Variants in TP63 observed in about 807,000 individuals in gnomAD.
The protein encoded by TP63 is tumor protein 63.
TP63 carries 17 observed loss-of-function variants against 82.8 expected under a neutral mutation model. The observed-to-expected ratio is 0.21, with a 90% CI of 0.14 to 0.31. TP63 has a LOEUF of 0.31. Among genes scored for constraint, TP63 ranks in the 10% least tolerant of loss-of-function variants. The pLI is 1.00. For synonymous variants in TP63, 330 were observed against 321.7 expected, an observed-to-expected ratio of 1.03 and a Z score of -0.28; for missense variants, 648 against 895.3, an observed-to-expected ratio of 0.72 and a Z score of 3.52.
In TP63 at chr3:189,804,810, C is replaced by T. The variant is rs538589932; in HGVS notation, c.325-3462C>T. Among the ~76,000 whole-genome samples the T allele has an allele frequency of 7.4e-4, 113 of 152,248 alleles. 1 individual carries two copies. The South Asian group carries it at 0.012, about 16-fold the overall frequency. On this transcript the variant is annotated intron_variant, in intron 3 of 13. Coordinates refer to ENST00000264731, the MANE Select transcript of TP63 (RefSeq NM_003722.5). ...GTTAGTAGTGTCAGTTTTACGCTTTCCAGGAAAAGACAACGGAGTATACTA... is the reference window on the plus strand; with the variant it reads ...GTTAGTAGTGTCAGTTTTACGCTTTTCAGGAAAAGACAACGGAGTATACTA...
At chr3:189,852,631 C>A (rs1446134043) in intron 4 of TP63, among the ~76,000 whole-genome samples, 1 of 152,162 alleles carries the variant, frequency 6.6e-6, no homozygotes, top group African/African-American at 2.4e-5. Context: ...CTGAATAGCT[C>A]CTGATGGGTT....
rs1220430940 is a variant in TP63 at position 189,858,274 on chromosome 3, G to GT, written c.580-5958_580-5957insT. 2.3e-4 allele frequency among the ~76,000 whole-genome samples: 14 copies of GT among 60,578 alleles called. 4 individuals carry two copies. Among genetic ancestry groups the GT allele is most frequent in the African/African-American group, 5.3e-4 (6 of 11,362 alleles). 39.7% of individuals were successfully genotyped at this position (60,578 alleles called of 152,430 possible). A position where few individuals can be genotyped will look rare whatever the true frequency, so the allele number is the denominator to read the frequency against. ...CAAAAAATTAGCCGGGCGAGGTGGC[G>GT]GGCGCCTGTAGTCCCAGCTACTCGG... On this transcript the variant is annotated intron_variant, in intron 4 of 13. Transcript: ENST00000264731.
chr3:189,832,373 C>G (rs1712495337), intron 4 of TP63, among the ~76,000 whole-genome samples: 1 of 152,058 alleles, frequency 6.6e-6, no homozygotes, highest in Non-Finnish European at 1.5e-5. Context: ...GCCAACTTTC[C>G]TTAGTATATA....
At chr3:189,711,496 C>A (rs1040090511) in intron 1 of TP63, among the ~76,000 whole-genome samples, 1 of 151,736 alleles carries the variant, frequency 6.6e-6, no homozygotes, top group African/African-American at 2.4e-5. Context: ...GCCACAGGAA[C>A]GTGGGGAAAA....
intron 4 of TP63, chr3:189,844,472 G>A (rs150250428): frequency 1.8e-5 from 5 of 271,632 alleles, no homozygotes; most frequent in African/African-American, 4.6e-5. Context: ...TTTTAGTAGA[G>A]ATGGGGTTTC....
intron 1 of TP63, among the ~76,000 whole-genome samples, chr3:189,730,933 G>T (rs1720120189): frequency 6.6e-6 from 1 of 152,224 alleles, no homozygotes; most frequent in Non-Finnish European, 1.5e-5. Flanking sequence ...ATAGCTTTAA[G>T]TTTGCATGCT....
intron 1 of TP63, among the ~76,000 whole-genome samples, chr3:189,688,086 A>G (rs1716591851): frequency 6.6e-6 from 1 of 152,108 alleles, no homozygotes; most frequent in Non-Finnish European, 1.5e-5. Flanking sequence ...TTATATTAAA[A>G]AGCCCAGAAA....
rs757768397 is a variant in TP63, at chr3:189,867,989, C to A, written c.992+47C>A. 23 of 1,503,030 alleles carry A rather than the reference C, an allele frequency of 1.5e-5. No individual in the cohort carries two copies. The South Asian group carries it at 2.3e-4, about 15-fold the overall frequency. The allele number at this position is 1,503,030 out of a possible 1,614,324, so 93.1% of individuals were successfully genotyped here. Reference sequence around the variant, plus strand: ...GTCATTCTACACAAAAAATCACGAGCAGAGGGCAAAGTGAAATCGTGGCTG... The same window carrying A: ...GTCATTCTACACAAAAAATCACGAGAAGAGGGCAAAGTGAAATCGTGGCTG... On this transcript the variant is annotated intron_variant, in intron 7 of 13. Transcript: ENST00000264731.
chr3:189,880,235 GTGTGTGTGTGTA>G (rs2108840526), intron 10 of TP63: 1 of 1,576,128 alleles, frequency 6.3e-7, no homozygotes, highest in Non-Finnish European at 8.6e-7. Context: ...ATATGTGAGT[GTGTGTGTGTGTA>G]TGTGTGTGCG....
intron 1 of TP63, among the ~76,000 whole-genome samples, chr3:189,694,304 G>A (rs750193676): frequency 3.3e-5 from 5 of 152,036 alleles, no homozygotes; most frequent in Non-Finnish European, 7.4e-5. Flanking sequence ...TTGCCACAAC[G>A]AATGAACTAA....
intron 1 of TP63, among the ~76,000 whole-genome samples, chr3:189,656,420 G>A (rs958674864): frequency 2.6e-5 from 4 of 152,082 alleles, no homozygotes; most frequent in African/African-American, 9.7e-5. Flanking sequence ...AACCAAAGAA[G>A]GCATAAGGGT....
At chr3:189,801,138 G>A (rs1268905950) in intron 3 of TP63, among the ~76,000 whole-genome samples, 1 of 152,102 alleles carries the variant, frequency 6.6e-6, no homozygotes, top group Non-Finnish European at 1.5e-5. Flanking sequence ...ATGCATTACT[G>A]CTGGGCTTCT....
intron 1 of TP63, among the ~76,000 whole-genome samples, chr3:189,728,304 G>A (rs1291447581): frequency 2.2e-4 from 33 of 152,136 alleles, no homozygotes; most frequent in Admixed American, 2.2e-3. Flanking sequence ...ATTAGTTGAG[G>A]CAACAGACCT....
At chr3:189,746,880 T>C (rs1232917848) in intron 3 of TP63, among the ~76,000 whole-genome samples, 2 of 148,964 alleles carry the variant, frequency 1.3e-5, no homozygotes, top group Non-Finnish European at 3.0e-5. Context: ...GATTGAAAGA[T>C]GGAAGAAAAA....
chr3:189,776,887 CA>C (rs756074724), intron 3 of TP63, among the ~76,000 whole-genome samples: 4 of 152,172 alleles, frequency 2.6e-5, no homozygotes, highest in Non-Finnish European at 4.4e-5. Flanking sequence ...TAGCAGAAGA[CA>C]GTTCCCAAAA....
At chr3:189,642,111 C>G (rs1471947559) in intron 1 of TP63, among the ~76,000 whole-genome samples, 3 of 152,068 alleles carry the variant, frequency 2.0e-5, no homozygotes, top group Non-Finnish European at 4.4e-5. Flanking sequence ...AACAGTATGC[C>G]AATGTATTTT....
intron 4 of TP63, among the ~76,000 whole-genome samples, chr3:189,849,004 A>G (rs1396285009): frequency 6.6e-6 from 1 of 152,216 alleles, no homozygotes; most frequent in Non-Finnish European, 1.5e-5. Context: ...CTGAAGGTTA[A>G]GTTGATCACC....
In TP63 at chr3:189,808,436, C is replaced by G. The variant is rs943709826; in HGVS notation, c.489C>G (p.Pro163=). Residue 163 remains proline (P), a synonymous_variant, in exon 4 of 14, where the codon CCC becomes CCG. Transcript: ENST00000264731. Reference sequence around the variant, plus strand: ...CCTTCGATGCTCTCTCTCCATCACCCGCCATCCCCTCCAACACCGACTACC... The same window carrying G: ...CCTTCGATGCTCTCTCTCCATCACCGGCCATCCCCTCCAACACCGACTACC... ...SSTFDALSPS[P]AIPSNTDYPG... 1 of 1,614,186 alleles carries G rather than the reference C, an allele frequency of 6.2e-7. No homozygotes were observed. Among genetic ancestry groups the G allele is most frequent in the Non-Finnish European group, 8.5e-7 (1 of 1,180,030 alleles).
chr3:189,892,628 T>C (rs140346057), intron 13 of TP63, among the ~76,000 whole-genome samples: 8,058 of 151,896 alleles, frequency 0.053, 290 homozygotes, highest in Middle Eastern at 0.15. Context: ...CTGTCTCTAC[T>C]AAAAATACAA....
Sources: allele counts gnomAD v4.1 joint callset (sites outside exome capture counted in the v4.1 genomes callset), GRCh38; gene constraint gnomAD v4.1.1; transcripts MANE v1.5; gene names NCBI Gene and HGNC (gene_info 2026-07-23, HGNC 2026-07-21).